Variants in NTRK2 observed in about 807,000 individuals in gnomAD.
NTRK2 encodes the protein BDNF/NT-3 growth factors receptor.
NTRK2 carries 13 observed loss-of-function variants against 94.5 expected under a neutral mutation model. The observed-to-expected ratio is 0.14, with a 90% CI of 0.09 to 0.22. The LOEUF (loss-of-function observed/expected upper bound fraction) is 0.22. NTRK2 is among the 10% of genes least tolerant of loss of function. The probability of loss-of-function intolerance (pLI) is 1.00; values close to 1 mark genes in which losing one functional copy is unlikely to be tolerated. For synonymous variants in NTRK2, 372 were observed against 407.4 expected (o/e 0.91, Z 1.05); for missense variants, 639 against 1,071.2 (o/e 0.60, Z 5.63).
intron 12 of NTRK2, among the ~76,000 whole-genome samples, chr9:84,817,222 G>A (rs76133834): frequency 0.033 from 4,991 of 152,196 alleles, 144 homozygotes; most frequent in Admixed American, 0.084. Flanking sequence ...AAATGTCCAC[G>A]AATTACAAAC....
intron 14 of NTRK2, among the ~76,000 whole-genome samples, chr9:84,882,425 T>C (rs1382395009): frequency 1.3e-5 from 2 of 152,192 alleles, no homozygotes; most frequent in African/African-American, 4.8e-5. Context: ...TCCTTCATCT[T>C]TGATGGAGAG....
intron 8 of NTRK2, among the ~76,000 whole-genome samples, chr9:84,725,491 G>T (rs1293687728): frequency 6.6e-6 from 1 of 152,000 alleles, no homozygotes; most frequent in East Asian, 1.9e-4. Context: ...ATGGGCCCTG[G>T]GTGTGGGGAC....
intron 17 of NTRK2, among the ~76,000 whole-genome samples, chr9:85,004,314 C>T (rs1007854207): frequency 6.6e-6 from 1 of 152,082 alleles, no homozygotes; most frequent in African/African-American, 2.4e-5. Context: ...TAATTTGCAA[C>T]CACTTGTTCA....
At chr9:84,677,668 G>A (rs1031553443) in intron 2 of NTRK2, among the ~76,000 whole-genome samples, 1 of 152,102 alleles carries the variant, frequency 6.6e-6, no homozygotes, top group African/African-American at 2.4e-5. Context: ...CTCATTTAGG[G>A]CTCTGTCTAC....
At chr9:84,790,961 T>C (rs2068666066) in intron 12 of NTRK2, among the ~76,000 whole-genome samples, 1 of 152,264 alleles carries the variant, frequency 6.6e-6, no homozygotes, top group African/African-American at 2.4e-5. Context: ...CCTTCAAATG[T>C]GGCATTGGCC....
intron 12 of NTRK2, among the ~76,000 whole-genome samples, chr9:84,778,151 T>G (rs1588533106): frequency 1.3e-5 from 2 of 152,186 alleles, no homozygotes; most frequent in Admixed American, 6.5e-5. Flanking sequence ...TCGTCCCAGC[T>G]ACTTAGGGGA....
intron 6 of NTRK2, 27 bp from the exon 7 acceptor site, chr9:84,723,546 C>A (rs774240499): frequency 6.8e-6 from 11 of 1,613,498 alleles, no homozygotes; most frequent in Non-Finnish European, 9.3e-6. Context: ...TTTGCATATG[C>A]CTCTGTTTAC....
At chr9:84,769,971 G>A (rs1473971568) in intron 12 of NTRK2, among the ~76,000 whole-genome samples, 1 of 152,108 alleles carries the variant, frequency 6.6e-6, no homozygotes, top group African/African-American at 2.4e-5. Context: ...GCATTTTCTT[G>A]ATTCATATTG....
chr9:84,893,751 T>C (rs2076665482), intron 14 of NTRK2, among the ~76,000 whole-genome samples: 1 of 152,188 alleles, frequency 6.6e-6, no homozygotes, highest in South Asian at 2.1e-4. Flanking sequence ...GAATGGTGTG[T>C]ATCGCTGGGG....
At chr9:84,970,358 G>A (rs1305683213) in intron 17 of NTRK2, among the ~76,000 whole-genome samples, 2 of 151,310 alleles carry the variant, frequency 1.3e-5, no homozygotes, top group East Asian at 1.9e-4. Flanking sequence ...CTGGGGGACA[G>A]AGTGCAAAAA....
intron 12 of NTRK2, among the ~76,000 whole-genome samples, chr9:84,852,145 CA>C (rs2074806225): frequency 6.6e-6 from 1 of 152,146 alleles, no homozygotes; most frequent in African/African-American, 2.4e-5. Flanking sequence ...AATTTGACAT[CA>C]AGTGTTTGCC....
intron 14 of NTRK2, among the ~76,000 whole-genome samples, chr9:84,932,812 C>T (rs1056393942): frequency 5.9e-5 from 9 of 152,096 alleles, no homozygotes; most frequent in East Asian, 1.9e-4. Flanking sequence ...AGAATTTGAA[C>T]GGGGCTTTGA....
At chr9:84,945,983 C>T (rs2078587145) in intron 15 of NTRK2, among the ~76,000 whole-genome samples, 1 of 152,178 alleles carries the variant, frequency 6.6e-6, no homozygotes, top group Non-Finnish European at 1.5e-5. Flanking sequence ...GTGGCACATT[C>T]AAGGTCTCCA....
chr9:84,782,595 A>G (rs189000830), intron 12 of NTRK2, among the ~76,000 whole-genome samples: 3 of 152,230 alleles, frequency 2.0e-5, no homozygotes, highest in Admixed American at 2.0e-4. Context: ...GATGTTCTGC[A>G]TACTTAATGG....
At chr9:84,854,753 C>T (rs2074975729) in intron 12 of NTRK2, among the ~76,000 whole-genome samples, 1 of 151,992 alleles carries the variant, frequency 6.6e-6, no homozygotes, top group Admixed American at 6.6e-5. Flanking sequence ...TCAAGACCAG[C>T]CTGGCCAACA....
chr9:84,721,603 A>C (rs111867627), intron 6 of NTRK2, among the ~76,000 whole-genome samples: 5,471 of 152,262 alleles, frequency 0.036, 144 homozygotes, highest in East Asian at 0.06. Context: ...AAGCGAGCCT[A>C]TATTTCATCT....
chr9:85,015,247 T>A (rs1832084007), intron 17 of NTRK2, among the ~76,000 whole-genome samples: 1 of 152,158 alleles, frequency 6.6e-6, no homozygotes, highest in African/African-American at 2.4e-5. Flanking sequence ...ACATGGACAC[T>A]CCCCCTGTCT....
At chr9:84,668,927 A>AG (rs2058527910), upstream of NTRK2, 1 of 152,232 alleles carries the variant, frequency 6.6e-6, no homozygotes, top group African/African-American at 2.4e-5. Flanking sequence ...CGGACAGGCC[A>AG]GGGTGGCCAC....
At chr9:84,931,745 G>C (rs778348390) in intron 14 of NTRK2, among the ~76,000 whole-genome samples, 1 of 140,046 alleles carries the variant, frequency 7.1e-6, no homozygotes, top group Non-Finnish European at 1.6e-5. Context: ...AAAAACCAAC[G>C]TTAAATACTT....
Sources: allele counts gnomAD v4.1 joint callset (sites outside exome capture counted in the v4.1 genomes callset), GRCh38; gene constraint gnomAD v4.1.1; transcripts MANE v1.5; gene names NCBI Gene and HGNC (gene_info 2026-07-23, HGNC 2026-07-21).